Variants in BTF3L4 observed in about 807,000 individuals in gnomAD.
BTF3L4 encodes the protein transcription factor BTF3 homolog 4.
BTF3L4 carries 6 observed loss-of-function variants against 16.8 expected under a neutral mutation model. That is an observed-to-expected ratio of 0.36 (90% CI 0.20 to 0.71). The LOEUF (loss-of-function observed/expected upper bound fraction) is 0.71, where lower values mean the gene tolerates loss of function less well. BTF3L4 is among the 30% of genes least tolerant of loss of function. The probability of loss-of-function intolerance (pLI) is 0.58; values close to 1 mark genes in which losing one functional copy is unlikely to be tolerated. For missense variants in BTF3L4, 92 were observed against 186.9 expected, an observed-to-expected ratio of 0.49 and a Z score of 2.96; for synonymous variants, 39 against 59.8, an observed-to-expected ratio of 0.65 and a Z score of 1.60.
In BTF3L4 at chr1:52,086,637, G is replaced by A. The variant is rs192375839; in HGVS notation, c.431-75G>A. 6.8e-6 allele frequency: 6 copies of A among 887,242 alleles called. No homozygotes were observed. The African/African-American group carries it at 6.9e-5, about 10-fold the overall frequency. The allele number at this position is 887,242 out of a possible 1,614,324, so 55.0% of individuals were successfully genotyped here. On this transcript the variant is annotated intron_variant, in intron 5 of 5. Transcript: ENST00000313334. ...ACTAATTTTATTTTTTCGGGGGTTA[G>A]AAGTTAGGAGTTCCATTTACCTCTT...
chr1:52,069,751 T>G (rs542318701), intron 3 of BTF3L4, among the ~76,000 whole-genome samples: 2 of 152,292 alleles, frequency 1.3e-5, no homozygotes, highest in Non-Finnish European at 2.9e-5. Context: ...GGGAGAGCAG[T>G]AGTGGATCTC....
intron 4 of BTF3L4, among the ~76,000 whole-genome samples, chr1:52,085,363 GTTTGTTTTTTTGT>G (rs1643962035): frequency 6.8e-6 from 1 of 146,758 alleles, no homozygotes; most frequent in South Asian, 2.2e-4. Flanking sequence ...TTTTTTGTTT[GTTTGTTTTTTTGT>G]TTTGTTTTTT....
At chr1:52,072,450 A>C (rs1456649854) in intron 3 of BTF3L4, among the ~76,000 whole-genome samples, 2 of 152,120 alleles carry the variant, frequency 1.3e-5, no homozygotes, top group Non-Finnish European at 2.9e-5. Context: ...CCTCAACTGA[A>C]ACTTGATACC....
At chr1:52,059,483 G>A (rs998607520) in intron 1 of BTF3L4, among the ~76,000 whole-genome samples, 2 of 152,118 alleles carry the variant, frequency 1.3e-5, no homozygotes, top group African/African-American at 4.8e-5. Flanking sequence ...ATCTTTGGGG[G>A]AAAAAAACTG....
At chr1:52,077,577 AC>A (rs1686965807) in intron 3 of BTF3L4, among the ~76,000 whole-genome samples, 1 of 152,130 alleles carries the variant, frequency 6.6e-6, no homozygotes, top group Admixed American at 6.6e-5. Flanking sequence ...AAAAGAGACA[AC>A]TGCTAATTCT....
At chr1:52,061,408 A>T (rs1686504545) in intron 2 of BTF3L4, among the ~76,000 whole-genome samples, 1 of 151,180 alleles carries the variant, frequency 6.6e-6, no homozygotes, top group Admixed American at 6.6e-5. Flanking sequence ...GAATCACTTG[A>T]ACCCGGGAGG....
Position 52,086,356 on chromosome 1 carries a change from T to A in BTF3L4, c.430+185T>A, listed in dbSNP as rs1643973098. On this transcript the variant is annotated intron_variant, in intron 5 of 5. Transcript: ENST00000313334. ...CCACCTTAGAACCTAGAATCAGAAA[T>A]TGTCACACAAAGCTCTGCTGCCTGG... 20 of 497,232 alleles carry A rather than the reference T, an allele frequency of 4.0e-5. No homozygotes were observed. The South Asian group carries it at 7.5e-4, about 19-fold the overall frequency. The allele number at this position is 497,232 out of a possible 1,614,324, so 30.8% of individuals were successfully genotyped here.
chr1:52,064,878 C>T lies in BTF3L4; in HGVS notation c.108C>T (p.Asp36=), dbSNP rs1438915704. 1 of 1,613,036 alleles carries T rather than the reference C, an allele frequency of 6.2e-7. No individual in the cohort carries two copies. The highest frequency in any genetic ancestry group is 1.7e-5 in the Admixed American group (1 of 59,812). Residue 36 remains aspartate (D), a synonymous_variant, in exon 3 of 6, where the codon GAC becomes GAT. Coordinates refer to ENST00000313334, the MANE Select transcript of BTF3L4 (RefSeq NM_152265.5). ...KVVHRTATAD[D]KKLQSSLKKL... Reference sequence around the variant, plus strand: ...TACATAGAACAGCCACAGCTGATGACAAAAAGCTTCAGAGTTCTCTAAAAA... The same window carrying T: ...TACATAGAACAGCCACAGCTGATGATAAAAAGCTTCAGAGTTCTCTAAAAA...
chr1:52,085,478 T>C (rs1020119690), intron 4 of BTF3L4, among the ~76,000 whole-genome samples: 4 of 152,128 alleles, frequency 2.6e-5, no homozygotes, highest in Non-Finnish European at 4.4e-5. Flanking sequence ...AACCTTAATA[T>C]TAATTTTTTA....
At chr1:52,056,483 T>A (rs547579367) in intron 1 of BTF3L4, 104 bp downstream of exon 1, 37 of 152,980 alleles carry the variant, frequency 2.4e-4, no homozygotes, top group African/African-American at 8.9e-4. Context: ...GGCTGCCACT[T>A]CCGCCGTGGT....
intron 3 of BTF3L4, among the ~76,000 whole-genome samples, chr1:52,070,425 C>T (rs1686758824): frequency 6.7e-6 from 1 of 149,564 alleles, no homozygotes; most frequent in Non-Finnish European, 1.5e-5. Flanking sequence ...AAATCCAAGG[C>T]TGTCAGAAAC....
Position 52,090,009 on chromosome 1 carries a change from T to C in BTF3L4, c.*3251T>C, listed in dbSNP as rs1644005026. On this transcript the variant is annotated 3_prime_UTR_variant, in exon 6 of 6. Transcript: ENST00000313334. ...ATAAATAAGATACCATGGTAAGAGATAGTATGTTATAGTGGGAAAAGCACA... is the reference window on the plus strand; with the variant it reads ...ATAAATAAGATACCATGGTAAGAGACAGTATGTTATAGTGGGAAAAGCACA... The C allele has an allele frequency of 6.6e-6, 1 of 152,180 alleles. No homozygotes were observed. The highest frequency in any genetic ancestry group is 6.6e-5 in the Admixed American group (1 of 15,262). The allele number at this position is 152,180 out of a possible 1,614,324, so 9.4% of individuals were successfully genotyped here. A position where few individuals can be genotyped will look rare whatever the true frequency, so the allele number is the denominator to read the frequency against.
At chr1:52,063,468 C>T (rs1011018046) in intron 2 of BTF3L4, among the ~76,000 whole-genome samples, 7 of 152,090 alleles carry the variant, frequency 4.6e-5, no homozygotes, top group Admixed American at 3.3e-4. Flanking sequence ...CCACTCCCAC[C>T]GGAATTGCTG....
chr1:52,079,902 C>G (rs1234370452), intron 3 of BTF3L4, among the ~76,000 whole-genome samples: 15 of 141,988 alleles, frequency 1.1e-4, no homozygotes, highest in African/African-American at 4.0e-4. Context: ...GACAGGGTCT[C>G]GCTCTGTCGC....
At chr1:52,069,074 T>C (rs1466055636) in intron 3 of BTF3L4, among the ~76,000 whole-genome samples, 2 of 152,216 alleles carry the variant, frequency 1.3e-5, no homozygotes, top group Non-Finnish European at 2.9e-5. Context: ...ATAATAGATA[T>C]GTGGCATGTG....
intron 3 of BTF3L4, among the ~76,000 whole-genome samples, chr1:52,073,509 C>T (rs1425706060): frequency 1.4e-5 from 2 of 147,460 alleles, no homozygotes; most frequent in African/African-American, 4.9e-5. Flanking sequence ...CACACACACA[C>T]ACACACACAC....
chr1:52,075,524 A>G (rs1256491148), intron 3 of BTF3L4, among the ~76,000 whole-genome samples: 4 of 131,496 alleles, frequency 3.0e-5, no homozygotes, highest in Non-Finnish European at 6.7e-5. Context: ...GACTACGTCT[A>G]AAAAAAAAAA....
At chr1:52,079,784 T>C (rs565835733) in intron 3 of BTF3L4, among the ~76,000 whole-genome samples, 52 of 152,152 alleles carry the variant, frequency 3.4e-4, no homozygotes, top group Non-Finnish European at 5.4e-4. Context: ...GTTTTTCTTT[T>C]GTGTTCTCGA....
chr1:52,072,180 G>A (rs1472286244), intron 3 of BTF3L4, among the ~76,000 whole-genome samples: 6 of 151,466 alleles, frequency 4.0e-5, no homozygotes, highest in Admixed American at 2.0e-4. Flanking sequence ...TCAGCCTCCC[G>A]AGTAGCTGGG....
Sources: allele counts gnomAD v4.1 joint callset (sites outside exome capture counted in the v4.1 genomes callset), GRCh38; gene constraint gnomAD v4.1.1; transcripts MANE v1.5; gene names NCBI Gene and HGNC (gene_info 2026-07-23, HGNC 2026-07-21).